Variants in CD226 observed in about 807,000 individuals in gnomAD.
The protein encoded by CD226 is CD226 molecule.
A neutral mutation model predicts 34.9 loss-of-function variants in CD226; 24 were observed. The ratio of observed to expected loss-of-function variants is 0.69; its 90% CI spans 0.50 to 0.97. The LOEUF (loss-of-function observed/expected upper bound fraction) is 0.97. Ranked by LOEUF, CD226 falls within the 50% of genes least tolerant of loss-of-function variation. The pLI, the probability that CD226 is intolerant of heterozygous loss-of-function variation, is 0.00. For synonymous variants in CD226, 148 were observed against 147.4 expected, an observed-to-expected ratio of 1.00 and a Z score of -0.03; for missense variants, 397 against 412.7, an observed-to-expected ratio of 0.96 and a Z score of 0.33.
At chr18:69,879,551 T>C (rs1301268879) in intron 3 of CD226, among the ~76,000 whole-genome samples, 2 of 117,254 alleles carry the variant, frequency 1.7e-5, no homozygotes, top group South Asian at 5.9e-4. Flanking sequence ...CCTTGTTCTC[T>C]GAAAATCACA....
intron 4 of CD226, among the ~76,000 whole-genome samples, chr18:69,871,319 TA>T (rs1371843135): frequency 6.6e-6 from 1 of 152,200 alleles, no homozygotes; most frequent in Non-Finnish European, 1.5e-5. Flanking sequence ...GGGAAAGACT[TA>T]AGGGCAGTCC....
chr18:69,930,768 G>A (rs1401591414), intron 2 of CD226, among the ~76,000 whole-genome samples: 1 of 152,218 alleles, frequency 6.6e-6, no homozygotes, highest in Admixed American at 6.5e-5. Context: ...CAGTCCTCAT[G>A]TGGATTTATA....
rs375824578 is a variant in CD226 at position 69,923,885 on chromosome 18, C to T, written c.382+22849G>A. Reference sequence around the variant, plus strand: ...AGGAGAATGGCATGAACCCAGGAGGCGGAGCTTGCAGTGAGCCGAGATCGC... The same window carrying T: ...AGGAGAATGGCATGAACCCAGGAGGTGGAGCTTGCAGTGAGCCGAGATCGC... On this transcript the variant is annotated intron_variant, in intron 2 of 5. Transcript: ENST00000582621. Among the ~76,000 whole-genome samples the T allele has an allele frequency of 1.3e-4, 20 of 149,790 alleles. No individual in the cohort carries two copies. In the East Asian group the frequency reaches 3.6e-3, roughly 27 times the overall value.
At chr18:69,914,242 G>T (rs566029297) in intron 2 of CD226, among the ~76,000 whole-genome samples, 22 of 152,140 alleles carry the variant, frequency 1.4e-4, no homozygotes, top group Admixed American at 2.6e-4. Context: ...TGACATTTTT[G>T]ATGAGTTTGA....
At chr18:69,925,501 C>G (rs1161282694) in intron 2 of CD226, among the ~76,000 whole-genome samples, 1 of 152,066 alleles carries the variant, frequency 6.6e-6, no homozygotes, top group African/African-American at 2.4e-5. Context: ...TTCCCCTCTC[C>G]AAACTGGCTC....
intron 2 of CD226, among the ~76,000 whole-genome samples, chr18:69,902,082 A>G (rs1598991740): frequency 6.6e-6 from 1 of 152,172 alleles, no homozygotes; most frequent in Admixed American, 6.5e-5. Flanking sequence ...GAGCTGGCAA[A>G]GAACAGAATC....
At chr18:69,935,221 T>C (rs1343226670) in intron 2 of CD226, among the ~76,000 whole-genome samples, 2 of 152,336 alleles carry the variant, frequency 1.3e-5, no homozygotes, top group African/African-American at 4.8e-5. Context: ...ACATTTTTTA[T>C]TTTACAAAAT....
chr18:69,939,401 T>A lies in CD226; in HGVS notation c.382+7333A>T, dbSNP rs575256673. Reference sequence around the variant, plus strand: ...CTTGCTCTTTTCTTTCAACACAAAGTTCATGAGCTTCATCCATGTCGGTGA... The same window carrying A: ...CTTGCTCTTTTCTTTCAACACAAAGATCATGAGCTTCATCCATGTCGGTGA... On this transcript the variant is annotated intron_variant, in intron 2 of 5. Coordinates refer to ENST00000582621, the MANE Select transcript of CD226 (RefSeq NM_001303618.2). Among the ~76,000 whole-genome samples, 8 of 152,352 alleles carry A rather than the reference T, an allele frequency of 5.3e-5. No homozygotes were observed. The South Asian group carries it at 1.0e-3, about 20-fold the overall frequency.
chr18:69,889,391 G>C (rs1984750420), intron 3 of CD226, among the ~76,000 whole-genome samples: 1 of 151,918 alleles, frequency 6.6e-6, no homozygotes, highest in African/African-American at 2.4e-5. Context: ...TGTCAGCCCA[G>C]TGCACACCAG....
upstream of CD226, among the ~76,000 whole-genome samples, chr18:69,959,873 G>A (rs756758165): frequency 1.3e-5 from 2 of 152,060 alleles, no homozygotes; most frequent in African/African-American, 4.8e-5. Flanking sequence ...AGAAAGCAGC[G>A]CCACCTAGGA....
chr18:69,952,101 G>C (rs1039610605), upstream of CD226, among the ~76,000 whole-genome samples: 4 of 152,086 alleles, frequency 2.6e-5, no homozygotes, highest in African/African-American at 9.7e-5. Flanking sequence ...GCCCTAAAAA[G>C]AATGAAATCA....
chr18:69,877,153 C>T (rs536776571), intron 3 of CD226, among the ~76,000 whole-genome samples: 3 of 152,266 alleles, frequency 2.0e-5, no homozygotes, highest in South Asian at 2.1e-4. Context: ...CGTGAGCCAC[C>T]GTGCCCAGTC....
rs377311715 is a variant in CD226, at chr18:69,880,330, G to A, written c.728-7084C>T. 4.2e-3 allele frequency among the ~76,000 whole-genome samples: 571 copies of A among 134,942 alleles called. 7 individuals are homozygous for A. Among genetic ancestry groups the A allele is most frequent in the African/African-American group, 0.016 (547 of 34,996 alleles). The allele number at this position is 134,942 out of a possible 152,430, so 88.5% of individuals were successfully genotyped here. A position where few individuals can be genotyped will look rare whatever the true frequency, so the allele number is the denominator to read the frequency against. On this transcript the variant is annotated intron_variant, in intron 3 of 5. Transcript: ENST00000582621. ...AGAAAGAAAGAAAGAAAAAGAAAGA[G>A]AGAAAGAAAGAAAGAAAGAAAGAAA...
chr18:69,951,811 T>C (rs1327317918), upstream of CD226, among the ~76,000 whole-genome samples: 1 of 152,186 alleles, frequency 6.6e-6, no homozygotes, highest in African/African-American at 2.4e-5. Context: ...AGAGAACATT[T>C]ATACACTGTT....
chr18:69,959,279 G>A (rs981148811), upstream of CD226, among the ~76,000 whole-genome samples: 3 of 152,204 alleles, frequency 2.0e-5, no homozygotes, highest in Non-Finnish European at 4.4e-5. Context: ...CGTAAAGAGG[G>A]AAAGCAGTGA....
intron 4 of CD226, among the ~76,000 whole-genome samples, chr18:69,868,212 A>T (rs899581103): frequency 1.3e-5 from 2 of 152,268 alleles, no homozygotes; most frequent in East Asian, 1.9e-4. Context: ...ATCCAACTAT[A>T]TAAAATAGTT....
chr18:69,911,877 A>G (rs559373743), intron 2 of CD226, among the ~76,000 whole-genome samples: 1 of 152,208 alleles, frequency 6.6e-6, no homozygotes, highest in African/African-American at 2.4e-5. Context: ...ACTAATAAGC[A>G]TACTGAACTA....
chr18:69,877,110 C>T (rs1454313596), intron 3 of CD226, among the ~76,000 whole-genome samples: 1 of 152,086 alleles, frequency 6.6e-6, no homozygotes, highest in South Asian at 2.1e-4. Flanking sequence ...GTGATCCGCC[C>T]TCCTCGGCCT....
At chr18:69,948,707 T>C (rs181009926), upstream of CD226, among the ~76,000 whole-genome samples, 890 of 152,318 alleles carry the variant, frequency 5.8e-3, 3 homozygotes, top group Non-Finnish European at 0.01. Flanking sequence ...AGTTGTTTTG[T>C]GATGTAGTCA....
Sources: gnomAD v4.1 joint callset for allele counts (sites outside exome capture counted in the v4.1 genomes callset) on GRCh38, gnomAD v4.1.1 for gene constraint, MANE v1.5 for transcripts, NCBI Gene and HGNC (gene_info 2026-07-23, HGNC 2026-07-21) for gene names.